Variants in PAPPA2 observed in about 807,000 individuals in gnomAD.
PAPPA2 encodes the protein pappalysin-2.
PAPPA2 carries 86 observed loss-of-function variants against 176.4 expected under a neutral mutation model. That is an observed-to-expected ratio of 0.49 (90% CI 0.41 to 0.58). The LOEUF (loss-of-function observed/expected upper bound fraction) is 0.58, where lower values mean the gene tolerates loss of function less well. PAPPA2 is among the 20% of genes least tolerant of loss of function. PAPPA2 has a pLI of 0.00. For missense variants in PAPPA2, 2,073 were observed against 2,256.9 expected (o/e 0.92, Z 1.65); for synonymous variants, 809 against 852.2 (o/e 0.95, Z 0.88).
chr1:176,637,201 G>A (rs1482889844), intron 3 of PAPPA2, among the ~76,000 whole-genome samples: 2 of 151,958 alleles, frequency 1.3e-5, no homozygotes, highest in East Asian at 3.9e-4. Context: ...AGAAGGATAA[G>A]GAAATAAAAG....
chr1:176,762,251 C>CTT (rs71565480), intron 14 of PAPPA2, among the ~76,000 whole-genome samples: 6 of 137,514 alleles, frequency 4.4e-5, no homozygotes, highest in African/African-American at 1.3e-4. Context: ...GGGTTTGGTC[C>CTT]TTTTTTTTTT....
chr1:176,630,710 A>AG (rs1656290781), intron 3 of PAPPA2, among the ~76,000 whole-genome samples: 1 of 152,224 alleles, frequency 6.6e-6, no homozygotes, highest in Middle Eastern at 3.2e-3. Flanking sequence ...GCTCTGATAG[A>AG]GGGTCTGATA....
intron 3 of PAPPA2, among the ~76,000 whole-genome samples, chr1:176,661,974 A>G (rs1192361403): frequency 6.6e-6 from 1 of 152,114 alleles, no homozygotes; most frequent in East Asian, 1.9e-4. Flanking sequence ...TGCCTGTCAC[A>G]TTGCATTTTA....
intron 1 of PAPPA2, among the ~76,000 whole-genome samples, chr1:176,506,509 G>A (rs1302992254): frequency 6.6e-6 from 1 of 151,876 alleles, no homozygotes; most frequent in African/African-American, 2.4e-5. Flanking sequence ...CTATTTATTT[G>A]TGTCATCTCT....
Position 176,595,002 on chromosome 1 carries a change from G to A in PAPPA2, c.1398G>A (p.Glu466=). ...LTASFEPVNT[E]WVPFRDEKYP... The stretch of plus-strand genomic sequence containing the variant: ...CGAGCTTTGAGCCTGTGAACACAGA[G>A]TGGGTTCCCTTTAGAGATGAGAAGT... Residue 466 remains glutamate, a synonymous_variant, in exon 3 of 23, where the codon GAG becomes GAA. Transcript: ENST00000367662. 3 of 1,614,216 alleles carry A rather than the reference G, an allele frequency of 1.9e-6. No homozygotes were observed. Among genetic ancestry groups the A allele is most frequent in the Non-Finnish European group, 2.5e-6 (3 of 1,180,040 alleles).
intron 1 of PAPPA2, among the ~76,000 whole-genome samples, chr1:176,549,795 A>T (rs1383420142): frequency 6.6e-6 from 1 of 152,214 alleles, no homozygotes; most frequent in Non-Finnish European, 1.5e-5. Flanking sequence ...AGAATACTGT[A>T]TGCAAAATTA....
Position 176,556,845 on chromosome 1 carries a change from G to A in PAPPA2, c.523G>A (p.Ala175Thr), listed in dbSNP as rs201851889. Residue 175 changes from alanine to threonine, a missense_variant, in exon 2 of 23, where the codon GCC (alanine) becomes ACC (threonine). Ala to Thr is a moderately conservative substitution (Grantham distance 58). Transcript: ENST00000367662. ...GSAMAATTTTAIFTTLNEPKP... is the reference protein window; with the variant it reads ...GSAMAATTTTTIFTTLNEPKP... Reference sequence around the variant, plus strand: ...AGCCATGGCTGCCACTACTACCACCGCCATTTTCACAACCCTGAACGAACC... The same window carrying A: ...AGCCATGGCTGCCACTACTACCACCACCATTTTCACAACCCTGAACGAACC... 21 of 1,614,084 alleles carry A rather than the reference G, an allele frequency of 1.3e-5. No homozygotes were observed. Among genetic ancestry groups the A allele is most frequent in the African/African-American group, 2.7e-5 (2 of 75,002 alleles).
At chr1:176,553,547 G>GGA (rs146639274) in intron 1 of PAPPA2, 3 of 152,136 alleles carry the variant, frequency 2.0e-5, no homozygotes, top group Admixed American at 6.5e-5. Flanking sequence ...AGGAATGAAG[G>GGA]GAGAGAGAGA....
intron 3 of PAPPA2, among the ~76,000 whole-genome samples, chr1:176,643,094 A>G (rs1042817319): frequency 2.6e-5 from 4 of 151,930 alleles, no homozygotes; most frequent in Non-Finnish European, 5.9e-5. Context: ...TACCCATCTT[A>G]TAAGTAGGCA....
chr1:176,573,286 T>G (rs547211618), intron 2 of PAPPA2, among the ~76,000 whole-genome samples: 1 of 152,334 alleles, frequency 6.6e-6, no homozygotes, highest in East Asian at 1.9e-4. Context: ...TGAATTCCTA[T>G]TTTTGTTTAG....
chr1:176,832,628 C>T (rs1667121476), intron 21 of PAPPA2, among the ~76,000 whole-genome samples: 1 of 152,186 alleles, frequency 6.6e-6, no homozygotes, highest in Non-Finnish European at 1.5e-5. Flanking sequence ...GCTGGGATTA[C>T]AGGCGTGAGT....
chr1:176,536,294 A>G (rs1283006124), intron 1 of PAPPA2, among the ~76,000 whole-genome samples: 3 of 152,154 alleles, frequency 2.0e-5, no homozygotes, highest in East Asian at 3.8e-4. Context: ...GCTTTTCTGC[A>G]CTCCTCTTAA....
chr1:176,544,755 A>G (rs1650540146), intron 1 of PAPPA2, among the ~76,000 whole-genome samples: 1 of 152,078 alleles, frequency 6.6e-6, no homozygotes, highest in Admixed American at 6.6e-5. Context: ...GTTACCCACA[A>G]CTTCTCTTCA....
chr1:176,653,664 C>CTTTCCACAAAGGAAGA (rs1420265246), intron 3 of PAPPA2, among the ~76,000 whole-genome samples: 4 of 151,578 alleles, frequency 2.6e-5, no homozygotes, highest in Non-Finnish European at 4.4e-5. Context: ...CCCTTTCCTC[C>CTTTCCACAAAGGAAGA]TTATAATCTT....
intron 1 of PAPPA2, among the ~76,000 whole-genome samples, chr1:176,524,783 G>C (rs1232742255): frequency 6.6e-6 from 1 of 152,174 alleles, no homozygotes; most frequent in Non-Finnish European, 1.5e-5. Flanking sequence ...CAGCACTTTG[G>C]GAGGCCCTGG....
At chr1:176,562,632 A>G (rs917137364) in intron 2 of PAPPA2, among the ~76,000 whole-genome samples, 1 of 152,214 alleles carries the variant, frequency 6.6e-6, no homozygotes, top group African/African-American at 2.4e-5. Flanking sequence ...CAGCAAAGTC[A>G]TGGCCACCTG....
intron 1 of PAPPA2, among the ~76,000 whole-genome samples, chr1:176,536,517 C>T (rs1265457218): frequency 6.6e-6 from 1 of 152,154 alleles, no homozygotes; most frequent in Non-Finnish European, 1.5e-5. Flanking sequence ...AGGTTGGCTG[C>T]AGGTTGGCTG....
intron 8 of PAPPA2, 65 bp downstream of exon 8, chr1:176,699,654 C>G: frequency 6.6e-7 from 1 of 1,520,820 alleles, no homozygotes; most frequent in African/African-American, 1.4e-5. Flanking sequence ...TTACTTTTCC[C>G]CCACTTTTTA....
chr1:176,609,892 G>A (rs903289640), intron 3 of PAPPA2, among the ~76,000 whole-genome samples: 2 of 152,222 alleles, frequency 1.3e-5, no homozygotes, highest in African/African-American at 4.8e-5. Context: ...GGATTCAGTG[G>A]TGGATTTGAT....
Sources: gnomAD v4.1 joint callset for allele counts (sites outside exome capture counted in the v4.1 genomes callset) on GRCh38, gnomAD v4.1.1 for gene constraint, MANE v1.5 for transcripts, NCBI Gene and HGNC (gene_info 2026-07-23, HGNC 2026-07-21) for gene names.